The following POU2F1 variants were observed in gnomAD, a reference collection of about 807,000 sequenced individuals.
The protein encoded by POU2F1 is POU class 2 homeobox 1.
POU2F1 carries 16 observed loss-of-function variants against 84.9 expected under a neutral mutation model. The ratio of observed to expected loss-of-function variants is 0.19; its 90% CI spans 0.13 to 0.29. POU2F1 has a LOEUF of 0.29. Ranked by LOEUF, POU2F1 falls within the 10% of genes least tolerant of loss-of-function variation. The pLI is 1.00. For missense variants in POU2F1, 738 were observed against 942.6 expected (o/e 0.78, Z 2.84); for synonymous variants, 368 against 368.3 (o/e 1.00, Z 0.01).
At chr1:167,270,793 T>C (rs937608092) in intron 1 of POU2F1, among the ~76,000 whole-genome samples, 1 of 152,196 alleles carries the variant, frequency 6.6e-6, no homozygotes, top group Admixed American at 6.5e-5. Context: ...TGTTTGTGGA[T>C]AGGGAGAGAT....
Position 167,420,739 on chromosome 1 carries a change from G to A in POU2F1, c.*4929G>A, listed in dbSNP as rs1379358292. 1.3e-5 allele frequency: 2 copies of A among 152,238 alleles called. No homozygotes were observed. The highest frequency in any genetic ancestry group is 2.9e-5 in the Non-Finnish European group (2 of 68,060). 9.4% of individuals were successfully genotyped at this position (152,238 alleles called of 1,614,324 possible). On this transcript the variant is annotated 3_prime_UTR_variant, in exon 16 of 16. Coordinates refer to ENST00000367866, the MANE Select transcript of POU2F1 (RefSeq NM_002697.4). Reference sequence around the variant, plus strand: ...CACTGTATCACTGAGTGTAGGGTGTGGTAGCAAGGAGGAGGCAGGGGATTC... The same window carrying A: ...CACTGTATCACTGAGTGTAGGGTGTAGTAGCAAGGAGGAGGCAGGGGATTC...
At chr1:167,232,920 G>A (rs1453545292) in intron 1 of POU2F1, among the ~76,000 whole-genome samples, 4 of 151,536 alleles carry the variant, frequency 2.6e-5, no homozygotes, top group African/African-American at 9.7e-5. Flanking sequence ...TAAATTTAGT[G>A]TAGCCTAAGT....
At chr1:167,373,808 G>C (rs1440926338) in intron 5 of POU2F1, among the ~76,000 whole-genome samples, 1 of 151,562 alleles carries the variant, frequency 6.6e-6, no homozygotes, top group East Asian at 1.9e-4. Flanking sequence ...TTCATATCTT[G>C]TCAGTGGTGA....
chr1:167,283,146 T>A (rs564295179), intron 1 of POU2F1, among the ~76,000 whole-genome samples: 2 of 152,334 alleles, frequency 1.3e-5, no homozygotes, highest in Admixed American at 6.5e-5. Context: ...GACCCTTTTT[T>A]GAGGGCAGGA....
chr1:167,268,970 TAAC>T (rs1351949730), intron 1 of POU2F1, among the ~76,000 whole-genome samples: 2 of 152,238 alleles, frequency 1.3e-5, no homozygotes, highest in Non-Finnish European at 2.9e-5. Flanking sequence ...TTTGTCCGTG[TAAC>T]AAGACAGGCA....
Position 167,426,036 on chromosome 1 carries a change from C to T in POU2F1, c.*10226C>T, listed in dbSNP as rs1282217602. The stretch of plus-strand genomic sequence containing the variant: ...CTCAGTTGGTTGGGGGAGGGGGGTA[C>T]TTGGTTCTTGGGTCACACAAGCTCT... On this transcript the variant is annotated 3_prime_UTR_variant, in exon 16 of 16. Transcript: ENST00000367866. 2 of 151,756 alleles carry T rather than the reference C, an allele frequency of 1.3e-5. No individual in the cohort carries two copies. Among genetic ancestry groups the T allele is most frequent in the Non-Finnish European group, 2.9e-5 (2 of 67,978 alleles). The allele number at this position is 151,756 out of a possible 1,614,324, so 9.4% of individuals were successfully genotyped here. A position where few individuals can be genotyped will look rare whatever the true frequency, so the allele number is the denominator to read the frequency against.
In POU2F1 at chr1:167,376,153, A is replaced by T. The variant is rs1222759154; in HGVS notation, c.716A>T (p.Gln239Leu). 1.2e-6 allele frequency: 2 copies of T among 1,614,084 alleles called. No individual in the cohort carries two copies. The highest frequency in any genetic ancestry group is 1.7e-6 in the Non-Finnish European group (2 of 1,180,032). ...FIISQTPQGQ[Q>L]GLLQAQNLLT... Reference sequence around the variant, plus strand: ...ATCTCACAGACGCCCCAGGGCCAGCAGGGTGAGCTCCTCCTTAGAGCTTAT... The same window carrying T: ...ATCTCACAGACGCCCCAGGGCCAGCTGGGTGAGCTCCTCCTTAGAGCTTAT... The change falls in exon 7 of 16, where the codon CAG becomes CTG. Residue 239 changes from glutamine (Q) to leucine (L), a missense_variant and splice_region_variant. Transcript: ENST00000367866.
rs1178644391 is a variant in POU2F1 at position 167,270,692 on chromosome 1, C to T, written c.61+49734C>T. ...TCTTCAGGAGAAATCACTCCATAGT[C>T]AAACACAGATTGCTGAACTGTGGCA... On this transcript the variant is annotated intron_variant, in intron 1 of 15. Transcript: ENST00000367866. Among the ~76,000 whole-genome samples the T allele has an allele frequency of 7.2e-5, 11 of 152,314 alleles. 1 individual carries two copies. The East Asian group carries it at 2.1e-3, about 29-fold the overall frequency.
intron 2 of POU2F1, among the ~76,000 whole-genome samples, chr1:167,340,272 G>C (rs1315746516): frequency 6.6e-6 from 1 of 151,890 alleles, no homozygotes; most frequent in African/African-American, 2.4e-5. Flanking sequence ...TAGAGATGGG[G>C]TTTCTTCATG....
At chr1:167,389,785 G>T (rs374858193) in intron 9 of POU2F1, 24 bp downstream of exon 9, 2 of 1,604,972 alleles carry the variant, frequency 1.2e-6, no homozygotes, top group Non-Finnish European at 1.7e-6. Flanking sequence ...GCCTTACATT[G>T]ATTCCCCTCC....
At chr1:167,323,466 C>T (rs1159618166) in intron 1 of POU2F1, among the ~76,000 whole-genome samples, 1 of 152,180 alleles carries the variant, frequency 6.6e-6, no homozygotes, top group Non-Finnish European at 1.5e-5. Flanking sequence ...TCATTTCAAA[C>T]CGCTTTCTGG....
chr1:167,250,394 T>G (rs1443627102), intron 1 of POU2F1, among the ~76,000 whole-genome samples: 4 of 152,204 alleles, frequency 2.6e-5, no homozygotes, highest in Non-Finnish European at 5.9e-5. Flanking sequence ...TTTATATAGT[T>G]ATAATGTTAC....
intron 1 of POU2F1, among the ~76,000 whole-genome samples, chr1:167,309,517 T>C (rs1408488169): frequency 6.6e-6 from 1 of 152,172 alleles, no homozygotes; most frequent in Admixed American, 6.5e-5. Context: ...TTTCCTAAGC[T>C]TGGATGCCTG....
At chr1:167,344,197 T>G (rs1165040799) in intron 2 of POU2F1, among the ~76,000 whole-genome samples, 3 of 152,158 alleles carry the variant, frequency 2.0e-5, no homozygotes, top group Non-Finnish European at 4.4e-5. Context: ...AATAGAACAT[T>G]TCCATTATCA....
intron 1 of POU2F1, among the ~76,000 whole-genome samples, chr1:167,298,559 T>A (rs1654443494): frequency 6.6e-6 from 1 of 152,184 alleles, no homozygotes; most frequent in African/African-American, 2.4e-5. Context: ...TGAGAATAAG[T>A]AAACAAACAC....
At chr1:167,361,936 T>A (rs1030875077) in intron 2 of POU2F1, among the ~76,000 whole-genome samples, 5 of 152,260 alleles carry the variant, frequency 3.3e-5, no homozygotes, top group Non-Finnish European at 7.3e-5. Context: ...TGTTTCTCTG[T>A]GTCTTCATGT....
chr1:167,381,701 C>A (rs1326643087), intron 7 of POU2F1, among the ~76,000 whole-genome samples: 1 of 144,796 alleles, frequency 6.9e-6, no homozygotes, highest in East Asian at 2.1e-4. Flanking sequence ...ACCTCTGCCT[C>A]CTGGGTTCAA....
intron 2 of POU2F1, among the ~76,000 whole-genome samples, chr1:167,353,601 C>T (rs1464521275): frequency 6.6e-6 from 1 of 152,156 alleles, no homozygotes; most frequent in Non-Finnish European, 1.5e-5. Context: ...CCCGCCAGTA[C>T]CTGACTTATG....
intron 13 of POU2F1, among the ~76,000 whole-genome samples, chr1:167,406,912 G>A (rs974928657): frequency 6.6e-6 from 1 of 151,900 alleles, no homozygotes; most frequent in Non-Finnish European, 1.5e-5. Flanking sequence ...GGAAGACTAA[G>A]CATTCTTAAG....
Sources: allele counts gnomAD v4.1 joint callset (sites outside exome capture counted in the v4.1 genomes callset), GRCh38; gene constraint gnomAD v4.1.1; transcripts MANE v1.5; gene names NCBI Gene and HGNC (gene_info 2026-07-23, HGNC 2026-07-21).